ELMO1: variants seen among roughly 807,000 people sequenced by gnomAD.
ELMO1 encodes engulfment and cell motility protein 1.
ELMO1 carries 26 observed loss-of-function variants against 98.9 expected under a neutral mutation model. That is an observed-to-expected ratio of 0.26 (90% CI 0.19 to 0.36). ELMO1 has a LOEUF of 0.36. Among genes scored for constraint, ELMO1 ranks in the 10% least tolerant of loss-of-function variants. The pLI is 1.00. For synonymous variants in ELMO1, 346 were observed against 346.0 expected (o/e 1.00, Z 0.00); for missense variants, 627 against 935.2 (o/e 0.67, Z 4.30).
At chr7:37,130,781 AT>A (rs199588120) in intron 14 of ELMO1, among the ~76,000 whole-genome samples, 3 of 151,234 alleles carry the variant, frequency 2.0e-5, no homozygotes, top group Non-Finnish European at 3.0e-5. Flanking sequence ...GTGTGTTACA[AT>A]TTTTTTTTAA....
intron 4 of ELMO1, among the ~76,000 whole-genome samples, chr7:37,292,918 G>T: frequency 3.5e-5 from 2 of 56,442 alleles, no homozygotes; most frequent in Non-Finnish European, 8.6e-5. Context: ...GAGGGAGGTG[G>T]CGGGGTCAGT....
intron 1 of ELMO1, among the ~76,000 whole-genome samples, chr7:37,420,853 T>A (rs745311326): frequency 6.6e-6 from 1 of 152,256 alleles, no homozygotes; most frequent in Non-Finnish European, 1.5e-5. Flanking sequence ...CTGTCCATCT[T>A]GCTGGCTCTC....
At chr7:37,145,822 T>G (rs961282907) in intron 13 of ELMO1, among the ~76,000 whole-genome samples, 2 of 152,188 alleles carry the variant, frequency 1.3e-5, no homozygotes, top group African/African-American at 2.4e-5. Context: ...TGAGTGAATA[T>G]TCACTTAATC....
intron 16 of ELMO1, among the ~76,000 whole-genome samples, chr7:36,979,172 G>T (rs1410248859): frequency 1.3e-5 from 2 of 152,150 alleles, no homozygotes; most frequent in Non-Finnish European, 2.9e-5. Flanking sequence ...TCTGAAAGTA[G>T]AGAGAAACTT....
chr7:37,409,717 G>A (rs1315851733), intron 1 of ELMO1, among the ~76,000 whole-genome samples: 1 of 152,190 alleles, frequency 6.6e-6, no homozygotes, highest in African/African-American at 2.4e-5. Context: ...GCAAGATGGA[G>A]GTGAATAACA....
intron 13 of ELMO1, among the ~76,000 whole-genome samples, chr7:37,164,947 A>G (rs1416376670): frequency 6.6e-6 from 1 of 151,812 alleles, no homozygotes; most frequent in Non-Finnish European, 1.5e-5. Context: ...CATTTTCACA[A>G]TATTGATTCT....
At position 37,062,690 on chromosome 7, in the gene ELMO1, G is replaced by A. The variant is rs556257903; in HGVS notation, c.1300+33929C>T. 5.9e-5 allele frequency among the ~76,000 whole-genome samples: 9 copies of A among 152,140 alleles called. 1 individual carries two copies. In the South Asian group the frequency reaches 1.2e-3, roughly 21 times the overall value. On this transcript the variant is annotated intron_variant, in intron 15 of 21. Transcript: ENST00000310758. ...ACAAAAGCCAGGAAATTCAGTTACC[G>A]TTCCCATAGCAACTGCAGCTTGCCT...
At chr7:37,362,540 C>T (rs554714859) in intron 1 of ELMO1, among the ~76,000 whole-genome samples, 2 of 152,284 alleles carry the variant, frequency 1.3e-5, no homozygotes, top group Non-Finnish European at 2.9e-5. Flanking sequence ...TAGTCTCATC[C>T]AATCCCATAG....
At chr7:37,416,550 G>A (rs181717347) in intron 1 of ELMO1, among the ~76,000 whole-genome samples, 1 of 152,294 alleles carries the variant, frequency 6.6e-6, no homozygotes, top group Admixed American at 6.5e-5. Context: ...CCTGGAACTG[G>A]ATAATGCATA....
intron 14 of ELMO1, among the ~76,000 whole-genome samples, chr7:37,122,090 GA>G (rs1284674003): frequency 2.0e-5 from 3 of 152,174 alleles, no homozygotes; most frequent in Non-Finnish European, 4.4e-5. Context: ...AATGCTGAGA[GA>G]TTTTTGTCAC....
intron 2 of ELMO1, among the ~76,000 whole-genome samples, chr7:37,325,633 A>T (rs1799758779): frequency 1.3e-5 from 2 of 152,134 alleles, no homozygotes; most frequent in African/African-American, 4.8e-5. Context: ...AAAAAAACCT[A>T]CCTGACAGAT....
chr7:37,058,898 T>A (rs34745518), intron 15 of ELMO1, among the ~76,000 whole-genome samples: 3 of 152,108 alleles, frequency 2.0e-5, no homozygotes, highest in African/African-American at 7.2e-5. Flanking sequence ...TGGAACCCAT[T>A]GTGGGTTTCT....
chr7:37,082,647 C>T (rs1258096995), intron 15 of ELMO1, among the ~76,000 whole-genome samples: 1 of 152,164 alleles, frequency 6.6e-6, no homozygotes, highest in African/African-American at 2.4e-5. Flanking sequence ...GGGAGGATCA[C>T]TTGAACCTGG....
chr7:37,204,290 T>C (rs770547436), intron 13 of ELMO1: 1 of 449,206 alleles, frequency 2.2e-6, no homozygotes, highest in Admixed American at 2.4e-5. Context: ...TTCCTTCTGA[T>C]GTTCGGACAT....
At chr7:37,435,535 T>TA (rs1447478104) in intron 1 of ELMO1, among the ~76,000 whole-genome samples, 1 of 152,230 alleles carries the variant, frequency 6.6e-6, no homozygotes, top group Non-Finnish European at 1.5e-5. Context: ...GATCTAGTCA[T>TA]AAAAAATTGT....
rs114500413 is a variant in ELMO1 at position 36,959,272 on chromosome 7, C to T, written c.1437+54027G>A. On this transcript the variant is annotated intron_variant, in intron 16 of 21. Coordinates refer to ENST00000310758, the MANE Select transcript of ELMO1 (RefSeq NM_014800.11). ...GGGGCCTCCTCATCTGCCTCATGTC[C>T]CCTCATTCCCCTACAGTCTCAGTGG... is the stretch of plus-strand genomic sequence containing the variant. 4.3e-3 allele frequency among the ~76,000 whole-genome samples: 648 copies of T among 152,148 alleles called. 11 individuals carry two copies. The highest frequency in any genetic ancestry group is 0.015 in the African/African-American group (618 of 41,506).
At chr7:37,055,885 A>C (rs1796369062) in intron 15 of ELMO1, among the ~76,000 whole-genome samples, 1 of 152,154 alleles carries the variant, frequency 6.6e-6, no homozygotes, top group East Asian at 1.9e-4. Flanking sequence ...TCCTATCTGT[A>C]GTCTCGGCTG....
At chr7:37,062,032 T>C (rs1390608333) in intron 15 of ELMO1, among the ~76,000 whole-genome samples, 3 of 152,214 alleles carry the variant, frequency 2.0e-5, no homozygotes, top group African/African-American at 4.8e-5. Context: ...AGCATCCTAG[T>C]TGACATAGCA....
intron 14 of ELMO1, among the ~76,000 whole-genome samples, chr7:37,111,268 A>G (rs1028976535): frequency 1.3e-5 from 2 of 152,156 alleles, no homozygotes; most frequent in Non-Finnish European, 2.9e-5. Flanking sequence ...AGATCAGCAC[A>G]CGTAAGTTAA....
Sources: allele counts gnomAD v4.1 joint callset (sites outside exome capture counted in the v4.1 genomes callset), GRCh38; gene constraint gnomAD v4.1.1; transcripts MANE v1.5; gene names NCBI Gene and HGNC (gene_info 2026-07-23, HGNC 2026-07-21).